Variants in C3orf70 observed in about 807,000 individuals in gnomAD.
The protein encoded by C3orf70 is UPF0524 protein C3orf70.
A neutral mutation model predicts 20.7 loss-of-function variants in C3orf70; 15 were observed. That is an observed-to-expected ratio of 0.72 (90% CI 0.48 to 1.11). C3orf70 has a LOEUF of 1.11. Among genes scored for constraint, C3orf70 ranks in the 50% most tolerant of loss-of-function variants. The pLI is 0.00. For missense variants in C3orf70, 332 were observed against 317.6 expected (o/e 1.05, Z -0.34); for synonymous variants, 161 against 125.7 (o/e 1.28, Z -1.88).
At chr3:185,124,036 C>T (rs1294926790) in intron 1 of C3orf70, among the ~76,000 whole-genome samples, 1 of 152,098 alleles carries the variant, frequency 6.6e-6, no homozygotes, top group Non-Finnish European at 1.5e-5. Flanking sequence ...CATGTATAGA[C>T]TTTTTTCTTG....
intron 1 of C3orf70, among the ~76,000 whole-genome samples, chr3:185,111,036 A>C (rs1219211187): frequency 6.6e-6 from 1 of 152,092 alleles, no homozygotes; most frequent in Non-Finnish European, 1.5e-5. Context: ...TCCCTGACTG[A>C]GCTGTTCTTG....
At chr3:185,112,017 G>A (rs984768933) in intron 1 of C3orf70, among the ~76,000 whole-genome samples, 14 of 152,302 alleles carry the variant, frequency 9.2e-5, no homozygotes, top group Admixed American at 5.2e-4. Flanking sequence ...TGGGCCAGGC[G>A]TGGTGGCTCA....
At chr3:185,144,428 T>C (rs1365387542) in intron 1 of C3orf70, among the ~76,000 whole-genome samples, 2 of 152,208 alleles carry the variant, frequency 1.3e-5, no homozygotes, top group African/African-American at 2.4e-5. Flanking sequence ...TCCTTCCCTT[T>C]ACTGAATACT....
chr3:185,150,196 ATAAC>A (rs1286504242), intron 1 of C3orf70, among the ~76,000 whole-genome samples: 1 of 152,238 alleles, frequency 6.6e-6, no homozygotes. Flanking sequence ...TTGAACAATC[ATAAC>A]TAACAAGTGC....
chr3:185,108,462 CTTTA>C (rs1715992899), intron 1 of C3orf70, among the ~76,000 whole-genome samples: 1 of 152,218 alleles, frequency 6.6e-6, no homozygotes, highest in Admixed American at 6.5e-5. Flanking sequence ...CAACTGATGA[CTTTA>C]TTTACCCAAT....
At chr3:185,119,367 G>A (rs750827310) in intron 1 of C3orf70, among the ~76,000 whole-genome samples, 3 of 152,166 alleles carry the variant, frequency 2.0e-5, no homozygotes, top group Non-Finnish European at 2.9e-5. Context: ...TTTGTGCTAA[G>A]AGAAGCCGGG....
At chr3:185,093,282 T>C (rs1394473469) in intron 1 of C3orf70, among the ~76,000 whole-genome samples, 1 of 152,176 alleles carries the variant, frequency 6.6e-6, no homozygotes, top group African/African-American at 2.4e-5. Flanking sequence ...CCCTCAAGTA[T>C]GGGCAGCTTA....
chr3:185,083,895 C>T (rs1715407098), intron 1 of C3orf70, among the ~76,000 whole-genome samples: 1 of 152,156 alleles, frequency 6.6e-6, no homozygotes, highest in South Asian at 2.1e-4. Flanking sequence ...AAAAGGTCCA[C>T]AATATAGCAT....
rs1253541683 is a variant in C3orf70 at position 185,077,655 on chromosome 3, A to G, written c.*5352T>C. On this transcript the variant is annotated 3_prime_UTR_variant, in exon 2 of 2. Transcript: ENST00000335012. ...TCTTGGTGACCAAGCGACCCCCCCA[A>G]GCTCTGCCGGGCAGCAGCCTCCCTC... 6.6e-6 allele frequency among the ~76,000 whole-genome samples: 1 copy of G among 152,034 alleles called. No homozygotes were observed. Among genetic ancestry groups the G allele is most frequent in the Admixed American group, 6.5e-5 (1 of 15,270 alleles).
chr3:185,116,682 A>C (rs1040659270), intron 1 of C3orf70, among the ~76,000 whole-genome samples: 1 of 152,198 alleles, frequency 6.6e-6, no homozygotes. Context: ...AGCAAAGCAA[A>C]GGTATGTATC....
At chr3:185,148,332 C>T (rs575582837) in intron 1 of C3orf70, among the ~76,000 whole-genome samples, 42 of 152,324 alleles carry the variant, frequency 2.8e-4, no homozygotes, top group African/African-American at 1.0e-3. Context: ...CATGACCTTC[C>T]TCCCAATCCT....
At chr3:185,128,397 A>T (rs1177210506) in intron 1 of C3orf70, among the ~76,000 whole-genome samples, 1 of 152,058 alleles carries the variant, frequency 6.6e-6, no homozygotes, top group Non-Finnish European at 1.5e-5. Flanking sequence ...GCATGGTGGC[A>T]CACGCCTGTA....
At chr3:185,135,078 TG>T (rs1200866802) in intron 1 of C3orf70, among the ~76,000 whole-genome samples, 2 of 152,132 alleles carry the variant, frequency 1.3e-5, no homozygotes, top group Admixed American at 6.5e-5. Flanking sequence ...CTTCATATAA[TG>T]GAAAAATGTT....
intron 1 of C3orf70, among the ~76,000 whole-genome samples, chr3:185,141,801 AACACACACAC>A (rs66562532): frequency 0.061 from 8,908 of 146,446 alleles, 341 homozygotes; most frequent in South Asian, 0.11. Context: ...ATGCAAAGGA[AACACACACAC>A]ACACACACAC....
intron 1 of C3orf70, among the ~76,000 whole-genome samples, chr3:185,132,938 C>A (rs1291497940): frequency 6.6e-6 from 1 of 152,134 alleles, no homozygotes; most frequent in East Asian, 1.9e-4. Flanking sequence ...AAAGGAATGA[C>A]AACTGACAGC....
At chr3:185,143,254 C>T (rs917971901) in intron 1 of C3orf70, among the ~76,000 whole-genome samples, 1 of 151,632 alleles carries the variant, frequency 6.6e-6, no homozygotes, top group Non-Finnish European at 1.5e-5. Flanking sequence ...GGGGGAAAGG[C>T]GAGACAAGAG....
chr3:185,077,241 G>T lies in C3orf70; in HGVS notation c.*5766C>A, dbSNP rs544635247. On this transcript the variant is annotated 3_prime_UTR_variant, in exon 2 of 2. Transcript: ENST00000335012. ...GTGCACTGAGGTAGACGAGGCACTA[G>T]TCTGTGGGAAGGTATCTGCTGGGTT... Among the ~76,000 whole-genome samples, 5 of 152,286 alleles carry T rather than the reference G, an allele frequency of 3.3e-5. No individual in the cohort carries two copies. The South Asian group carries it at 1.0e-3, about 32-fold the overall frequency.
At chr3:185,150,776 G>A (rs2108609119) in intron 1 of C3orf70, among the ~76,000 whole-genome samples, 1 of 152,262 alleles carries the variant, frequency 6.6e-6, no homozygotes, top group South Asian at 2.1e-4. Flanking sequence ...AAACCACCTT[G>A]GCACATGTTC....
intron 1 of C3orf70, among the ~76,000 whole-genome samples, chr3:185,114,147 C>T (rs1270090461): frequency 4.6e-5 from 7 of 152,032 alleles, no homozygotes; most frequent in African/African-American, 9.7e-5. Context: ...TGTGGTGAGC[C>T]GAGATCACGC....
Sources: gnomAD v4.1 joint callset for allele counts (sites outside exome capture counted in the v4.1 genomes callset) on GRCh38, gnomAD v4.1.1 for gene constraint, MANE v1.5 for transcripts, NCBI Gene and HGNC (gene_info 2026-07-23, HGNC 2026-07-21) for gene names.